Variants in ANK2 observed in about 807,000 individuals in gnomAD.
The protein encoded by ANK2 is ankyrin-2.
ANK2 carries 83 observed loss-of-function variants against 360.5 expected under a neutral mutation model. The ratio of observed to expected loss-of-function variants is 0.23; its 90% CI spans 0.19 to 0.28. The LOEUF is 0.28. Among genes scored for constraint, ANK2 ranks in the 10% least tolerant of loss-of-function variants. The pLI is 1.00. For synonymous variants in ANK2, 1,740 were observed against 1,759.5 expected, an observed-to-expected ratio of 0.99 and a Z score of 0.28; for missense variants, 4,201 against 4,795.7, an observed-to-expected ratio of 0.88 and a Z score of 3.66.
chr4:112,822,250 A>C (rs1189678482), intron 1 of ANK2, among the ~76,000 whole-genome samples: 6 of 149,386 alleles, frequency 4.0e-5, no homozygotes, highest in South Asian at 2.1e-4. Flanking sequence ...AAAAAAAAAA[A>C]AAAAAAAAAA....
rs751663505 is a variant in ANK2 at position 113,359,186 on chromosome 4, A to C, written c.10568A>C (p.Glu3523Ala). The C allele has an allele frequency of 1.2e-6, 2 of 1,613,392 alleles. No homozygotes were observed. Among genetic ancestry groups the C allele is most frequent in the Non-Finnish European group, 1.7e-6 (2 of 1,179,394 alleles). The change falls in exon 38 of 46, where the codon GAG (glutamate) becomes GCG (alanine). Residue 3523 changes from glutamate (E) to alanine (A), a missense_variant. By Grantham distance (107) the Glu-to-Ala change is moderately radical. This residue lies in a region of ANK2 where 2,642 missense variants were observed against 2,714.5 expected (regional missense o/e 0.97). Coordinates refer to ENST00000357077, the MANE Select transcript of ANK2 (RefSeq NM_001148.6). ...GTAATTGAAAATCTGCCACCTGTTG[A>C]GACCGAGCACTCAGTTCCTGAGGAC... Reference protein sequence around the residue: ...VSVIENLPPVETEHSVPEDIF... With the variant: ...VSVIENLPPVATEHSVPEDIF...
chr4:113,104,545 C>T (rs1211556189), intron 1 of ANK2, among the ~76,000 whole-genome samples: 1 of 152,148 alleles, frequency 6.6e-6, no homozygotes, highest in Non-Finnish European at 1.5e-5. Flanking sequence ...GAAACCCTGT[C>T]TCTACTAAAA....
upstream of ANK2, among the ~76,000 whole-genome samples, chr4:112,813,114 T>C (rs920796194): frequency 6.6e-6 from 1 of 151,982 alleles, no homozygotes; most frequent in Non-Finnish European, 1.5e-5. Context: ...GGCATGCACC[T>C]GTAGTCCCAG....
intron 3 of ANK2, among the ~76,000 whole-genome samples, chr4:113,197,244 C>A (rs2153395434): frequency 6.6e-6 from 1 of 152,232 alleles, no homozygotes; most frequent in African/African-American, 2.4e-5. Flanking sequence ...TAGATTTTAT[C>A]ATCATAATGT....
intron 2 of ANK2, among the ~76,000 whole-genome samples, chr4:112,914,212 A>G (rs568561048): frequency 2.0e-5 from 3 of 152,324 alleles, no homozygotes; most frequent in South Asian, 4.1e-4. Flanking sequence ...AAATACATCT[A>G]TAATTGTTTT....
At chr4:112,745,108 C>G in the ANK2 span, among the ~76,000 whole-genome samples, 1 of 152,144 alleles carries the variant, frequency 6.6e-6, no homozygotes, top group South Asian at 2.1e-4. Flanking sequence ...TGTAAGCAGA[C>G]AGTCAATTTA....
chr4:113,249,988 G>A (rs548784312), intron 10 of ANK2, 126 bp downstream of exon 10: 47 of 848,934 alleles, frequency 5.5e-5, no homozygotes, highest in African/African-American at 8.5e-5. Flanking sequence ...TGTGTGCTAG[G>A]AATAGGAATA....
intron 2 of ANK2, among the ~76,000 whole-genome samples, chr4:112,905,252 A>G (rs2084809660): frequency 6.6e-6 from 1 of 152,196 alleles, no homozygotes; most frequent in Non-Finnish European, 1.5e-5. Context: ...GAGTTGTATG[A>G]CACCATTAAC....
the ANK2 span, among the ~76,000 whole-genome samples, chr4:112,776,803 A>G: frequency 6.6e-6 from 1 of 152,244 alleles, no homozygotes; most frequent in African/African-American, 2.4e-5. Flanking sequence ...TAAGAAAACT[A>G]GGGAAAGAGA....
At chr4:113,236,802 G>A (rs1051274180) in intron 5 of ANK2, among the ~76,000 whole-genome samples, 185 bp from the exon 6 acceptor site, 4 of 152,170 alleles carry the variant, frequency 2.6e-5, no homozygotes, top group Non-Finnish European at 5.9e-5. Context: ...TAGGAAAGCC[G>A]TCTGATTAAA....
chr4:113,270,032 A>G (rs2057916213), intron 14 of ANK2, among the ~76,000 whole-genome samples: 1 of 152,116 alleles, frequency 6.6e-6, no homozygotes, highest in Non-Finnish European at 1.5e-5. Context: ...TTATTCAACC[A>G]TGAGCTTCCC....
At chr4:112,875,957 G>A (rs2074972641) in intron 1 of ANK2, among the ~76,000 whole-genome samples, 1 of 140,108 alleles carries the variant, frequency 7.1e-6, no homozygotes, top group Non-Finnish European at 1.5e-5. Flanking sequence ...GTCTCGCCAT[G>A]TTTTCCAGGC....
At chr4:113,011,277 G>A (rs989471445) in intron 2 of ANK2, among the ~76,000 whole-genome samples, 2 of 151,996 alleles carry the variant, frequency 1.3e-5, no homozygotes, top group African/African-American at 4.8e-5. Context: ...ATATATTTGT[G>A]GACATTAGTG....
At position 113,026,784 on chromosome 4, in the gene ANK2, T is replaced by C. The variant is rs117920920; in HGVS notation, c.21+122270T>C. ...AAGGGAGTTATTCATAATAGTCAGC[T>C]CTGCTGACTGGCCTTTTGAAGGAAA... On this transcript the variant is annotated intron_variant, in intron 2 of 30. Transcript: ENST00000503271. Among the ~76,000 whole-genome samples, 35 of 152,250 alleles carry C rather than the reference T, an allele frequency of 2.3e-4. No homozygotes were observed. In the East Asian group the frequency reaches 6.2e-3, roughly 27 times the overall value.
rs1224501351 is a variant in ANK2 at position 113,357,990 on chromosome 4, T to C, written c.9372T>C (p.Tyr3124=). The part of the protein sequence containing the change: ...SGAIDMTKRS[Y]ADESFHFFQI... ...CCATTGATATGACCAAAAGGTCCTA[T>C]GCAGATGAAAGTTTTCACTTTTTCC... Residue 3124 remains tyrosine, a synonymous_variant, in exon 38 of 46, where the codon TAT becomes TAC. Coordinates refer to ENST00000357077, the MANE Select transcript of ANK2 (RefSeq NM_001148.6). 5.0e-6 allele frequency: 8 copies of C among 1,614,088 alleles called. No individual in the cohort carries two copies. The highest frequency in any genetic ancestry group is 6.8e-6 in the Non-Finnish European group (8 of 1,179,970).
intron 2 of ANK2, among the ~76,000 whole-genome samples, chr4:112,973,149 C>T (rs1479972908): frequency 1.3e-5 from 2 of 150,712 alleles, no homozygotes; most frequent in Admixed American, 6.6e-5. Flanking sequence ...CAAAACCCAC[C>T]TGTACTCCAA....
chr4:113,324,585 ATTGT>A (rs1052787563), intron 26 of ANK2, among the ~76,000 whole-genome samples: 6 of 152,162 alleles, frequency 3.9e-5, no homozygotes, highest in African/African-American at 1.2e-4. Context: ...TTGATAAATA[ATTGT>A]TTGGTGATTT....
intron 1 of ANK2, among the ~76,000 whole-genome samples, chr4:113,080,937 A>C (rs1237868076): frequency 1.3e-5 from 2 of 152,210 alleles, no homozygotes; most frequent in Non-Finnish European, 2.9e-5. Context: ...ACAGTATAGT[A>C]ACCTCCATGT....
chr4:112,760,188 CTTTT>C, the ANK2 span, among the ~76,000 whole-genome samples: 8 of 123,434 alleles, frequency 6.5e-5, no homozygotes, highest in Non-Finnish European at 1.0e-4. Context: ...ATTCCATATT[CTTTT>C]TTTTTTTTTT....
Sources: gnomAD v4.1 joint callset for allele counts (sites outside exome capture counted in the v4.1 genomes callset) on GRCh38, gnomAD v4.1.1 for gene constraint, gnomAD v4.1.1 regional missense constraint, MANE v1.5 for transcripts, NCBI Gene and HGNC (gene_info 2026-07-23, HGNC 2026-07-21) for gene names.